Variants in HEMK1 observed in about 807,000 individuals in gnomAD.
HEMK1 encodes the protein MTRF1L release factor glutamine methyltransferase.
In HEMK1, 36 loss-of-function variants were observed where a neutral mutation model predicts 47.9. The observed-to-expected ratio is 0.75, with a 90% confidence interval of 0.58 to 0.99. The LOEUF (loss-of-function observed/expected upper bound fraction) is 0.99. HEMK1 is among the 50% of genes least tolerant of loss of function. The pLI is 0.00. For missense variants in HEMK1, 383 were observed against 434.5 expected, an observed-to-expected ratio of 0.88 and a Z score of 1.05; for synonymous variants, 153 against 165.4, an observed-to-expected ratio of 0.93 and a Z score of 0.57.
chr3:50,576,949 C>T, intron 4 of HEMK1, 103 bp from the exon 5 acceptor site: 1 of 1,423,314 alleles, frequency 7.0e-7, no homozygotes, highest in South Asian at 1.2e-5. Context: ...CTTTGGCTAC[C>T]TCCCCTTCCT....
chr3:50,577,964 G>A (rs2029990583), intron 7 of HEMK1, 89 bp downstream of exon 7: 4 of 1,196,538 alleles, frequency 3.3e-6, no homozygotes, highest in East Asian at 2.3e-5. Flanking sequence ...TGGAGGGAGA[G>A]CTCCCCCAAC....
At position 50,583,266 on chromosome 3, in the gene HEMK1, C is replaced by T. The variant is rs1337246935; in HGVS notation, c.*2849C>T. The T allele has an allele frequency of 1.3e-5, 2 of 152,218 alleles. No individual in the cohort carries two copies. The highest frequency in any genetic ancestry group is 4.1e-4 in the South Asian group (2 of 4,834). The allele number at this position is 152,218 out of a possible 1,614,324, so 9.4% of individuals were successfully genotyped here. A position where few individuals can be genotyped will look rare whatever the true frequency, so the allele number is the denominator to read the frequency against. ...TTCTCCATGGGTCTCATACAGCTGC[C>T]TTATTGAAATAGGCCCCGAACCCCC... On this transcript the variant is annotated 3_prime_UTR_variant, in exon 11 of 11. Coordinates refer to ENST00000232854, the MANE Select transcript of HEMK1 (RefSeq NM_016173.5).
Position 50,593,992 on chromosome 3 carries a change from C to G in HEMK1, c.*13575C>G, listed in dbSNP as rs889640290. The stretch of plus-strand genomic sequence containing the variant: ...TCTGCCACCTCGGCCTCCCAAAATG[C>G]TGGGATTACAGGCCTGAGCCACCAC... On this transcript the variant is annotated 3_prime_UTR_variant, in exon 11 of 11. Coordinates refer to ENST00000232854, the MANE Select transcript of HEMK1 (RefSeq NM_016173.5). The G allele has an allele frequency of 1.3e-5, 2 of 152,176 alleles. No individual in the cohort carries two copies. Among genetic ancestry groups the G allele is most frequent in the African/African-American group, 4.8e-5 (2 of 41,436 alleles). 9.4% of individuals were successfully genotyped at this position (152,176 alleles called of 1,614,324 possible).
At position 50,589,424 on chromosome 3, in the gene HEMK1, T is replaced by G. The variant is rs576604136; in HGVS notation, c.*9007T>G. 4.0e-5 allele frequency: 6 copies of G among 150,516 alleles called. No homozygotes were observed. Among genetic ancestry groups the G allele is most frequent in the African/African-American group, 1.2e-4 (5 of 40,844 alleles). 9.3% of individuals were successfully genotyped at this position (150,516 alleles called of 1,614,324 possible). The stretch of plus-strand genomic sequence containing the variant: ...CTGTGTGTGGTTTTTAAAATTGGGT[T>G]TTTTTTTTTTCAATAATTAAAAATA... On this transcript the variant is annotated 3_prime_UTR_variant, in exon 11 of 11. Coordinates refer to ENST00000232854, the MANE Select transcript of HEMK1 (RefSeq NM_016173.5).
intron 4 of HEMK1, among the ~76,000 whole-genome samples, chr3:50,575,416 C>CT (rs1701473272): frequency 6.7e-6 from 1 of 149,934 alleles, no homozygotes; most frequent in Non-Finnish European, 1.5e-5. Flanking sequence ...GAGCGAAACT[C>CT]TGTCTCAAAA....
intron 8 of HEMK1, 135 bp downstream of exon 8, chr3:50,579,061 C>G (rs576453762): frequency 1.6e-6 from 1 of 638,880 alleles, no homozygotes; most frequent in Admixed American, 2.6e-5. Flanking sequence ...TTGACGCACT[C>G]GAGAGCCCAC....
At position 50,580,414 on chromosome 3, in the gene HEMK1, A is replaced by G. The variant is rs373005412; in HGVS notation, c.1014A>G (p.Pro338=). 2.5e-6 allele frequency: 4 copies of G among 1,614,128 alleles called. No homozygotes were observed. Among genetic ancestry groups the G allele is most frequent in the Non-Finnish European group, 3.4e-6 (4 of 1,180,014 alleles). ...TCCTGCATATCCGGAGGTCTGGGCC[A>G]TAGCATGGCTGCCCTGTGGATGCCT... ...PRFLHIRRSG[P] is the part of the protein sequence containing the mutation. The change falls in exon 11 of 11, where the codon CCA becomes CCG. Residue 338 remains proline, a synonymous_variant. Coordinates refer to ENST00000232854, the MANE Select transcript of HEMK1 (RefSeq NM_016173.5).
rs1336474475 is a variant in HEMK1 at position 50,594,397 on chromosome 3, T to C, written c.*13980T>C. ...CCCTACTCATAAGGAGTTCATGGCC[T>C]GGTGGAGGATACAGGCAGGCAAATA... On this transcript the variant is annotated 3_prime_UTR_variant, in exon 11 of 11. Coordinates refer to ENST00000232854, the MANE Select transcript of HEMK1 (RefSeq NM_016173.5). 4 of 152,220 alleles carry C rather than the reference T, an allele frequency of 2.6e-5. No homozygotes were observed. Among genetic ancestry groups the C allele is most frequent in the Admixed American group, 1.3e-4 (2 of 15,286 alleles). The allele number at this position is 152,220 out of a possible 1,614,324, so 9.4% of individuals were successfully genotyped here.
chr3:50,577,759 A>G, intron 6 of HEMK1, 67 bp from the exon 7 acceptor site: 1 of 1,526,112 alleles, frequency 6.6e-7, no homozygotes, highest in South Asian at 1.1e-5. Flanking sequence ...TGACTATAAG[A>G]CCTCATTCTT....
At position 50,586,821 on chromosome 3, in the gene HEMK1, G is replaced by GGCCT. The variant is rs1176556151; in HGVS notation, c.*6414_*6417dup. 6.6e-6 allele frequency: 1 copy of GGCCT among 152,246 alleles called. No individual in the cohort carries two copies. The highest frequency in any genetic ancestry group is 1.5e-5 in the Non-Finnish European group (1 of 68,098). 9.4% of individuals were successfully genotyped at this position (152,246 alleles called of 1,614,324 possible). A position where few individuals can be genotyped will look rare whatever the true frequency, so the allele number is the denominator to read the frequency against. ...CACCCCACCTGGCTTTCCAGGAACA[G>GGCCT]GCCTGCCTGCCTGGAGAGGCGTCCA... On this transcript the variant is annotated 3_prime_UTR_variant, in exon 11 of 11. Transcript: ENST00000232854.
At position 50,592,320 on chromosome 3, in the gene HEMK1, C is replaced by A. The variant is rs1575974736; in HGVS notation, c.*11903C>A. On this transcript the variant is annotated 3_prime_UTR_variant, in exon 11 of 11. Transcript: ENST00000232854. Reference sequence around the variant, plus strand: ...GGAGGCTGGTGATTCTCCCAGCAAACCCGCCTGGGAACTAACCACAGGCTC... The same window carrying A: ...GGAGGCTGGTGATTCTCCCAGCAAAACCGCCTGGGAACTAACCACAGGCTC... The A allele has an allele frequency of 6.6e-6, 1 of 152,164 alleles. No individual in the cohort carries two copies. The highest frequency in any genetic ancestry group is 6.5e-5 in the Admixed American group (1 of 15,284). The allele number at this position is 152,164 out of a possible 1,614,324, so 9.4% of individuals were successfully genotyped here.
In HEMK1 at chr3:50,577,849, G is replaced by A. The variant is rs867852587; in HGVS notation, c.638G>A (p.Trp213Ter). 1 of 1,613,578 alleles carries A rather than the reference G, an allele frequency of 6.2e-7. No homozygotes were observed. Among genetic ancestry groups the A allele is most frequent in the African/African-American group, 1.3e-5 (1 of 74,708 alleles). Residue 213 changes from tryptophan to a stop codon, truncating the protein, a stop_gained, in exon 7 of 11, where the codon TGG becomes TAG. Coordinates refer to ENST00000232854, the MANE Select transcript of HEMK1 (RefSeq NM_016173.5). LOFTEE classifies it high-confidence loss of function. ...AQRLRLQDRI[W>*]IIHLDMTSER... ...AGGCTTCGGTTGCAGGACAGGATTT[G>A]GATCATCCACCTCGACATGACCTCA...
rs373817870 is a variant in HEMK1, at chr3:50,572,103, C to T, written c.321-12C>T. On this transcript the variant is annotated splice_polypyrimidine_tract_variant and intron_variant, in intron 3 of 10. Coordinates refer to ENST00000232854, the MANE Select transcript of HEMK1 (RefSeq NM_016173.5). ...TCTGTCCCTGATGACCACCCAGCTG[C>T]CCCCTCTGCAGGATGCCGGTGCAGT... 28 of 1,613,658 alleles carry T rather than the reference C, an allele frequency of 1.7e-5. 1 individual carries two copies. The Middle Eastern group carries it at 6.6e-4, about 38-fold the overall frequency.
intron 7 of HEMK1, 126 bp downstream of exon 7, chr3:50,578,001 CACAT>C: frequency 3.5e-6 from 3 of 853,534 alleles, no homozygotes; most frequent in East Asian, 2.5e-5. Context: ...ACAACACACA[CACAT>C]ACACGTGTGT....
At chr3:50,571,510 T>C in intron 2 of HEMK1, 178 bp downstream of exon 2, 1 of 675,320 alleles carries the variant, frequency 1.5e-6, no homozygotes, top group Non-Finnish European at 2.6e-6. Context: ...AATATATCTC[T>C]GCCTAAGTGT....
intron 4 of HEMK1, among the ~76,000 whole-genome samples, chr3:50,573,231 C>T (rs1039547930): frequency 6.6e-6 from 1 of 152,190 alleles, no homozygotes; most frequent in African/African-American, 2.4e-5. Context: ...ATGGGGGCAG[C>T]ACGTGGACTT....
In HEMK1 at chr3:50,577,249, C is replaced by G. The variant is rs1575936850; in HGVS notation, c.549+63C>G. Reference sequence around the variant, plus strand: ...ACACTCACTGTCCCTCCCATTAGTGCTTCCCCCACATCCCTCTGCTAGGAG... The same window carrying G: ...ACACTCACTGTCCCTCCCATTAGTGGTTCCCCCACATCCCTCTGCTAGGAG... On this transcript the variant is annotated intron_variant, in intron 5 of 10. Transcript: ENST00000232854. 4 of 1,540,460 alleles carry G rather than the reference C, an allele frequency of 2.6e-6. No homozygotes were observed. In the East Asian group the frequency reaches 9.0e-5, roughly 35 times the overall value.
intron 7 of HEMK1, 36 bp downstream of exon 7, chr3:50,577,911 C>A: frequency 6.3e-7 from 1 of 1,599,940 alleles, no homozygotes; most frequent in Non-Finnish European, 8.6e-7. Context: ...GAGAGGGAGA[C>A]TAGATGCAGG....
chr3:50,579,909 C>T lies in HEMK1; in HGVS notation c.836C>T (p.Ala279Val), dbSNP rs1419671473. 1 of 1,613,866 alleles carries T rather than the reference C, an allele frequency of 6.2e-7. No homozygotes were observed. Among genetic ancestry groups the T allele is most frequent in the Non-Finnish European group, 8.5e-7 (1 of 1,179,928 alleles). ...ATGGACATCATTACCCACATTCTGGCCTTGGCACCCCGGCTCCTGAAAGAC... is the reference window on the plus strand; with the variant it reads ...ATGGACATCATTACCCACATTCTGGTCTTGGCACCCCGGCTCCTGAAAGAC... ...EGMDIITHIL[A>V]LAPRLLKDSG... The change falls in exon 9 of 11, where the codon GCC (alanine) becomes GTC (valine). Residue 279 changes from alanine to valine, a missense_variant. Transcript: ENST00000232854.
Sources: gnomAD v4.1 joint callset for allele counts (sites outside exome capture counted in the v4.1 genomes callset) on GRCh38, gnomAD v4.1.1 for gene constraint, MANE v1.5 for transcripts, NCBI Gene and HGNC (gene_info 2026-07-23, HGNC 2026-07-21) for gene names.